The following NRG3 variants were observed in gnomAD, a reference collection of about 807,000 sequenced individuals.
The protein encoded by NRG3 is pro-neuregulin-3, membrane-bound isoform.
NRG3 carries 31 observed loss-of-function variants against 66.9 expected under a neutral mutation model. The observed-to-expected ratio is 0.46, with a 90% CI of 0.35 to 0.63. NRG3 has a LOEUF of 0.63. NRG3 is among the 20% of genes least tolerant of loss of function. NRG3 has a pLI of 0.00. For missense variants in NRG3, 910 were observed against 878.9 expected (o/e 1.04, Z -0.45); for synonymous variants, 393 against 359.4 (o/e 1.09, Z -1.06).
chr10:82,515,623 A>G (rs1343400151), intron 2 of NRG3, among the ~76,000 whole-genome samples: 9 of 152,186 alleles, frequency 5.9e-5, no homozygotes, highest in Non-Finnish European at 1.3e-4. Context: ...TTAGACCTTT[A>G]TTTTGTATAA....
At chr10:82,643,702 T>A (rs1458858841) in intron 2 of NRG3, among the ~76,000 whole-genome samples, 1 of 152,150 alleles carries the variant, frequency 6.6e-6, no homozygotes, top group Non-Finnish European at 1.5e-5. Flanking sequence ...AATAGTCTAA[T>A]CTTTTCCCAT....
intron 1 of NRG3, among the ~76,000 whole-genome samples, chr10:82,318,950 A>G (rs2081423827): frequency 6.6e-6 from 1 of 152,218 alleles, no homozygotes; most frequent in Non-Finnish European, 1.5e-5. Flanking sequence ...GAGTGTCTTT[A>G]TAAATAATAA....
intron 2 of NRG3, among the ~76,000 whole-genome samples, chr10:82,529,345 A>G (rs144234901): frequency 1.3e-4 from 20 of 152,330 alleles, no homozygotes; most frequent in African/African-American, 4.8e-4. Flanking sequence ...CAGTACAGCA[A>G]CTGGGAGAGG....
chr10:81,988,245 T>C (rs965478471), intron 1 of NRG3, among the ~76,000 whole-genome samples: 13 of 152,156 alleles, frequency 8.5e-5, no homozygotes, highest in African/African-American at 2.2e-4. Context: ...TCCACTACCA[T>C]GGAGCAAGTT....
chr10:82,976,314 C>T (rs979712763), intron 7 of NRG3, among the ~76,000 whole-genome samples: 1 of 152,124 alleles, frequency 6.6e-6, no homozygotes, highest in Non-Finnish European at 1.5e-5. Context: ...CCTCAGCCTC[C>T]GAAAGTGCTG....
chr10:82,627,469 GA>G (rs1209022714), intron 2 of NRG3, among the ~76,000 whole-genome samples: 3 of 151,616 alleles, frequency 2.0e-5, no homozygotes, highest in Admixed American at 1.3e-4. Flanking sequence ...TTTTGCTGTA[GA>G]AAAAAATAAA....
At chr10:82,965,498 G>A (rs1216266049) in intron 6 of NRG3, among the ~76,000 whole-genome samples, 1 of 152,138 alleles carries the variant, frequency 6.6e-6, no homozygotes, top group Non-Finnish European at 1.5e-5. Flanking sequence ...CACTTTGGAA[G>A]GCAAAGGCAG....
chr10:82,133,037 A>T (rs1044453164), intron 1 of NRG3, among the ~76,000 whole-genome samples: 1 of 151,184 alleles, frequency 6.6e-6, no homozygotes, highest in Non-Finnish European at 1.5e-5. Flanking sequence ...GATTTTTTGT[A>T]TTTTTTATTT....
At chr10:82,234,472 A>G (rs1361677580) in intron 1 of NRG3, among the ~76,000 whole-genome samples, 1 of 152,170 alleles carries the variant, frequency 6.6e-6, no homozygotes, top group Non-Finnish European at 1.5e-5. Context: ...ATGTTCCAGG[A>G]GAGTAGGGAT....
intron 1 of NRG3, among the ~76,000 whole-genome samples, chr10:82,122,689 A>G (rs573682179): frequency 6.6e-4 from 100 of 152,254 alleles, no homozygotes; most frequent in African/African-American, 2.3e-3. Flanking sequence ...ACTAGTCTGA[A>G]TGAGATAAAA....
chr10:82,100,673 T>A (rs1464313915), intron 1 of NRG3, among the ~76,000 whole-genome samples: 1 of 152,130 alleles, frequency 6.6e-6, no homozygotes, highest in Non-Finnish European at 1.5e-5. Flanking sequence ...ATTGATTGAT[T>A]TTAAAATATT....
chr10:82,448,414 T>C (rs1200165082), intron 2 of NRG3, among the ~76,000 whole-genome samples: 1 of 152,250 alleles, frequency 6.6e-6, no homozygotes, highest in Non-Finnish European at 1.5e-5. Context: ...TGAAGTTCTC[T>C]GCATACATTT....
intron 5 of NRG3, among the ~76,000 whole-genome samples, chr10:82,952,440 A>AC (rs1849615571): frequency 6.9e-6 from 1 of 145,864 alleles, no homozygotes; most frequent in Non-Finnish European, 1.5e-5. Flanking sequence ...AAAAAAAAAA[A>AC]GTAGATATAA....
At chr10:82,096,083 T>A (rs2066322768) in intron 1 of NRG3, among the ~76,000 whole-genome samples, 1 of 152,098 alleles carries the variant, frequency 6.6e-6, no homozygotes, top group Admixed American at 6.6e-5. Flanking sequence ...TTCGAGCCAG[T>A]AGGTAGGTGG....
intron 1 of NRG3, among the ~76,000 whole-genome samples, chr10:81,882,380 T>C (rs182965058): frequency 7.2e-5 from 11 of 152,256 alleles, no homozygotes; most frequent in Non-Finnish European, 1.3e-4. Context: ...TTAGGGACTC[T>C]CATGGAAGGG....
chr10:82,735,460 GT>G (rs1206131566), intron 2 of NRG3, among the ~76,000 whole-genome samples: 1 of 152,128 alleles, frequency 6.6e-6, no homozygotes, highest in Non-Finnish European at 1.5e-5. Context: ...ATGCACAAGT[GT>G]TTTTATTGCA....
chr10:82,240,396 A>G (rs1439029790), intron 1 of NRG3, among the ~76,000 whole-genome samples: 1 of 152,204 alleles, frequency 6.6e-6, no homozygotes, highest in South Asian at 2.1e-4. Context: ...ATGTTTTATT[A>G]TAGCATTATA....
intron 1 of NRG3, among the ~76,000 whole-genome samples, chr10:82,275,829 CTG>C (rs371340313): frequency 4.6e-5 from 7 of 152,096 alleles, no homozygotes; most frequent in African/African-American, 1.4e-4. Context: ...CAGAATGTAA[CTG>C]TGCTTTTACT....
chr10:82,743,551 A>C (rs1356023983), intron 3 of NRG3, among the ~76,000 whole-genome samples: 1 of 152,136 alleles, frequency 6.6e-6, no homozygotes, highest in African/African-American at 2.4e-5. Flanking sequence ...TAGGAAAATA[A>C]ATTTATAAAC....
Sources: allele counts gnomAD v4.1 joint callset (sites outside exome capture counted in the v4.1 genomes callset), GRCh38; gene constraint gnomAD v4.1.1; transcripts MANE v1.5; gene names NCBI Gene and HGNC (gene_info 2026-07-23, HGNC 2026-07-21).